MICU1: variants seen among roughly 807,000 people sequenced by gnomAD.
MICU1 encodes mitochondrial calcium uptake 1.
In MICU1, 45 loss-of-function variants were observed where a neutral mutation model predicts 56.8. That is an observed-to-expected ratio of 0.79 (90% CI 0.62 to 1.02). The LOEUF (loss-of-function observed/expected upper bound fraction) is 1.02, where lower values mean the gene tolerates loss of function less well. MICU1 is among the 50% of genes least tolerant of loss of function. The pLI, the probability that MICU1 is intolerant of heterozygous loss-of-function variation, is 0.00. For synonymous variants in MICU1, 186 were observed against 195.1 expected (o/e 0.95, Z 0.39); for missense variants, 504 against 587.1 (o/e 0.86, Z 1.46).
At chr10:72,531,296 T>C (rs1248716655) in intron 5 of MICU1, among the ~76,000 whole-genome samples, 11 of 152,230 alleles carry the variant, frequency 7.2e-5, no homozygotes, top group Non-Finnish European at 1.5e-5. Flanking sequence ...CTGGCTATAA[T>C]GCATAAAATT....
At position 72,592,058 on chromosome 10, in the gene MICU1, G is replaced by A. The variant is rs117822111; in HGVS notation, c.-1-25264C>T. ...AGAGCCTCGCTCTGTCATCCAGGCCGGAATGCAGTGGCCCGATCCTGGCTC... is the reference window on the plus strand; with the variant it reads ...AGAGCCTCGCTCTGTCATCCAGGCCAGAATGCAGTGGCCCGATCCTGGCTC... On this transcript the variant is annotated intron_variant, in intron 1 of 11. Transcript: ENST00000361114. 7.6e-3 allele frequency among the ~76,000 whole-genome samples: 1,125 copies of A among 148,468 alleles called. 11 individuals are homozygous for A. The highest frequency in any genetic ancestry group is 0.012 in the Non-Finnish European group (799 of 67,322).
intron 1 of MICU1, among the ~76,000 whole-genome samples, chr10:72,575,355 G>T (rs1486549333): frequency 6.6e-6 from 1 of 151,928 alleles, no homozygotes; most frequent in East Asian, 1.9e-4. Context: ...AGCTTTAATT[G>T]TACAAATAAT....
At chr10:72,554,877 T>C (rs1338172301) in intron 3 of MICU1, among the ~76,000 whole-genome samples, 1 of 152,112 alleles carries the variant, frequency 6.6e-6, no homozygotes, top group African/African-American at 2.4e-5. Context: ...TAGGTAGTTG[T>C]GGTGGTACAC....
intron 1 of MICU1, among the ~76,000 whole-genome samples, chr10:72,596,259 G>A (rs1841378064): frequency 6.6e-6 from 1 of 152,166 alleles, no homozygotes; most frequent in South Asian, 2.1e-4. Context: ...ACAGGCGTGA[G>A]CCACTGTGCC....
At chr10:72,416,667 A>T (rs999893721) in intron 9 of MICU1, among the ~76,000 whole-genome samples, 2 of 152,208 alleles carry the variant, frequency 1.3e-5, no homozygotes, top group African/African-American at 4.8e-5. Flanking sequence ...GGAAACACTT[A>T]GCAAAAGCAA....
At chr10:72,386,413 C>T (rs552073236) in intron 10 of MICU1, among the ~76,000 whole-genome samples, 5 of 152,212 alleles carry the variant, frequency 3.3e-5, no homozygotes, top group African/African-American at 1.2e-4. Context: ...AACTCCTGAC[C>T]TCAGGTGATC....
chr10:72,379,792 C>T (rs572014696), intron 10 of MICU1, among the ~76,000 whole-genome samples: 1 of 152,232 alleles, frequency 6.6e-6, no homozygotes, highest in East Asian at 1.9e-4. Flanking sequence ...GCTCTGGTGT[C>T]CTTCCTACCA....
At chr10:72,620,714 GC>G (rs1842083968) in intron 1 of MICU1, among the ~76,000 whole-genome samples, 1 of 152,088 alleles carries the variant, frequency 6.6e-6, no homozygotes. Flanking sequence ...TCTACTTCTA[GC>G]CATTTCTTGC....
chr10:72,532,869 A>T (rs1839525755), intron 5 of MICU1: 1 of 1,156,956 alleles, frequency 8.6e-7, no homozygotes, highest in East Asian at 5.9e-5. Context: ...AGAGCTCAAC[A>T]CTTATCTCTC....
In MICU1 at chr10:72,451,678, G is replaced by A. The variant is rs774282298; in HGVS notation, c.933+23422C>T. ...TCACCTCAGCCTCCCACGTAGTTGGGATTATAGGCACTTGCCACTGTACTC... is the reference window on the plus strand; with the variant it reads ...TCACCTCAGCCTCCCACGTAGTTGGAATTATAGGCACTTGCCACTGTACTC... On this transcript the variant is annotated intron_variant, in intron 8 of 11. Transcript: ENST00000361114. Among the ~76,000 whole-genome samples, 23 of 152,052 alleles carry A rather than the reference G, an allele frequency of 1.5e-4. 1 individual carries two copies. The highest frequency in any genetic ancestry group is 2.8e-4 in the Non-Finnish European group (19 of 68,014).
chr10:72,519,717 T>G (rs1273928117), intron 5 of MICU1, among the ~76,000 whole-genome samples: 1 of 152,114 alleles, frequency 6.6e-6, no homozygotes, highest in African/African-American at 2.4e-5. Context: ...CAAAATAGGG[T>G]TGGTAATTTT....
intron 8 of MICU1, among the ~76,000 whole-genome samples, chr10:72,441,082 T>C (rs1038522584): frequency 6.6e-6 from 1 of 152,152 alleles, no homozygotes; most frequent in Non-Finnish European, 1.5e-5. Context: ...ATCATGCTAC[T>C]ATAAAGACAC....
chr10:72,475,265 C>T lies in MICU1; in HGVS notation c.768G>A (p.Met256Ile). 1 of 1,608,560 alleles carries T rather than the reference C, an allele frequency of 6.2e-7. No homozygotes were observed. Among genetic ancestry groups the T allele is most frequent in the Non-Finnish European group, 8.5e-7 (1 of 1,177,226 alleles). The stretch of plus-strand genomic sequence containing the variant: ...TTGGACGATCTCTGTGGCGCATACC[C>T]ATACTGGTTTGGGAGCGAATGATGC... Reference protein sequence around the residue: ...VQSIIRSQTSMGMRHRDRPTT... With the variant: ...VQSIIRSQTSIGMRHRDRPTT... The change falls in exon 8 of 12, where the codon ATG becomes ATA. Residue 256 changes from methionine to isoleucine, a missense_variant. Physicochemically the swap from Met to Ile is conservative, Grantham distance 10 (BLOSUM62 1). Transcript: ENST00000361114.
At chr10:72,618,070 G>A (rs1323167718) in intron 1 of MICU1, among the ~76,000 whole-genome samples, 1 of 151,834 alleles carries the variant, frequency 6.6e-6, no homozygotes, top group Non-Finnish European at 1.5e-5. Flanking sequence ...GGGAGGCTGA[G>A]GCAGGAGATT....
At chr10:72,453,150 T>C (rs1191005173) in intron 8 of MICU1, among the ~76,000 whole-genome samples, 1 of 152,186 alleles carries the variant, frequency 6.6e-6, no homozygotes, top group Admixed American at 6.5e-5. Context: ...ACTCCACAAT[T>C]TATTATTTTT....
chr10:72,542,763 G>A (rs1312189927), intron 4 of MICU1, among the ~76,000 whole-genome samples: 3 of 152,204 alleles, frequency 2.0e-5, no homozygotes, highest in African/African-American at 7.2e-5. Context: ...CCTTTTTTCG[G>A]TATCTGCATT....
In MICU1 at chr10:72,563,094, T is replaced by C. The variant is rs559333580; in HGVS notation, c.162-31A>G. The C allele has an allele frequency of 3.4e-6, 5 of 1,460,292 alleles. No individual in the cohort carries two copies. The Admixed American group carries it at 1.3e-4, about 38-fold the overall frequency. 90.5% of individuals were successfully genotyped at this position (1,460,292 alleles called of 1,614,324 possible). On this transcript the variant is annotated intron_variant, in intron 2 of 11. Transcript: ENST00000361114. ...TATGCAAAAAAGAAATCTAGATTAA[T>C]CTTGAACGTCCATCATACTAGACAA...
At chr10:72,517,332 T>C (rs1867677317) in intron 5 of MICU1, among the ~76,000 whole-genome samples, 1 of 152,160 alleles carries the variant, frequency 6.6e-6, no homozygotes, top group Non-Finnish European at 1.5e-5. Context: ...TGCATATTTA[T>C]AGCAGCACAA....
At chr10:72,556,949 C>T (rs1840173560) in intron 3 of MICU1, among the ~76,000 whole-genome samples, 1 of 151,786 alleles carries the variant, frequency 6.6e-6, no homozygotes, top group African/African-American at 2.4e-5. Context: ...TCTGTAATTC[C>T]AGCTACTTGG....
Sources: allele counts gnomAD v4.1 joint callset (sites outside exome capture counted in the v4.1 genomes callset), GRCh38; gene constraint gnomAD v4.1.1; transcripts MANE v1.5; gene names NCBI Gene and HGNC (gene_info 2026-07-23, HGNC 2026-07-21).